VCAN: variants seen among roughly 807,000 people sequenced by gnomAD.
VCAN encodes the protein versican, also known as versican core protein.
Under a neutral mutation model 245.5 loss-of-function variants are expected in VCAN, and 44 were observed. The observed-to-expected ratio is 0.18, with a 90% CI of 0.14 to 0.23. The LOEUF is 0.23. VCAN is among the 10% of genes least tolerant of loss of function. VCAN has a pLI of 1.00. For missense variants in VCAN, 3,793 were observed against 4,057.9 expected, an observed-to-expected ratio of 0.93 and a Z score of 1.77; for synonymous variants, 1,413 against 1,437.0, an observed-to-expected ratio of 0.98 and a Z score of 0.38.
chr5:83,516,483 G>C (rs1453423936), intron 6 of VCAN, among the ~76,000 whole-genome samples: 1 of 152,198 alleles, frequency 6.6e-6, no homozygotes, highest in African/African-American at 2.4e-5. Context: ...GGGGTTTTAA[G>C]TTTTATTAGG....
At chr5:83,528,783 A>G (rs1042015236) in intron 7 of VCAN, among the ~76,000 whole-genome samples, 2 of 152,158 alleles carry the variant, frequency 1.3e-5, no homozygotes, top group Non-Finnish European at 2.9e-5. Flanking sequence ...TGAATACTGA[A>G]TCAGTAGGAT....
intron 12 of VCAN, among the ~76,000 whole-genome samples, chr5:83,566,599 A>T (rs1304910704): frequency 1.3e-5 from 2 of 152,098 alleles, no homozygotes; most frequent in African/African-American, 2.4e-5. Context: ...TTTTCCTGGT[A>T]TGTTGACTGA....
At position 83,538,818 on chromosome 5, in the gene VCAN, A is replaced by G; in HGVS notation, c.5815A>G (p.Arg1939Gly). ...GGAGGAAGATTTCAGTGGTGACTTT[A>G]GAGAATACTCAACAGTGTCTCATCC... ...PLEEDFSGDFREYSTVSHPIA... is the reference protein window; with the variant it reads ...PLEEDFSGDFGEYSTVSHPIA... Residue 1939 changes from arginine to glycine, a missense_variant, in exon 8 of 15, where the codon AGA becomes GGA. By Grantham distance (125) the Arg-to-Gly change is moderately radical. This residue lies in a region of VCAN where 3,182 missense variants were observed against 3,250.3 expected (regional missense o/e 0.98). Transcript: ENST00000265077. The G allele has an allele frequency of 6.2e-7, 1 of 1,613,958 alleles. No individual in the cohort carries two copies. The highest frequency in any genetic ancestry group is 1.1e-5 in the South Asian group (1 of 91,084).
intron 1 of VCAN, among the ~76,000 whole-genome samples, chr5:83,482,072 C>G (rs1471831298): frequency 6.6e-6 from 1 of 152,188 alleles, no homozygotes; most frequent in Non-Finnish European, 1.5e-5. Context: ...ACAATAATGA[C>G]ATTTATAATC....
At chr5:83,565,402 T>A (rs1039245852) in intron 12 of VCAN, among the ~76,000 whole-genome samples, 1 of 106,330 alleles carries the variant, frequency 9.4e-6, no homozygotes, top group Non-Finnish European at 2.3e-5. Context: ...TGTGTGTGTG[T>A]GTGTGTGTGT....
intron 13 of VCAN, among the ~76,000 whole-genome samples, chr5:83,579,257 GT>G (rs34588104): frequency 2.0e-3 from 50 of 24,742 alleles, no homozygotes; most frequent in African/African-American, 2.5e-3. Context: ...TTGTTTGTTT[GT>G]TTTGTTTTGT....
chr5:83,520,255 G>A lies in VCAN; in HGVS notation c.1949G>A (p.Arg650His), dbSNP rs371049542. The stretch of plus-strand genomic sequence containing the variant: ...ACTACACCTTTTCCATCACAGCATC[G>A]TACAGAAATAGAATTGTTTCCTTAT... ...LSTTPFPSQH[R>H]TEIELFPYSG... Residue 650 changes from arginine (R) to histidine (H), a missense_variant, in exon 7 of 15, where the codon CGT (arginine) becomes CAT (histidine). By Grantham distance (29) the Arg-to-His change is conservative. Transcript: ENST00000265077. 52 of 1,613,898 alleles carry A rather than the reference G, an allele frequency of 3.2e-5. No individual in the cohort carries two copies. The highest frequency in any genetic ancestry group is 8.0e-5 in the African/African-American group (6 of 75,022).
intron 1 of VCAN, among the ~76,000 whole-genome samples, chr5:83,477,282 A>G (rs377067690): frequency 6.6e-6 from 1 of 152,218 alleles, no homozygotes; most frequent in South Asian, 2.1e-4. Flanking sequence ...TGTAGTTTCT[A>G]CTGAATCTAT....
Position 83,540,540 on chromosome 5 carries a change from G to A in VCAN, c.7537G>A (p.Glu2513Lys), listed in dbSNP as rs777752970. ...CACACTGTCAAATACAGTGTCATAT[G>A]AGAGGTCCACAGACGGTAGTTTCCA... ...TSTLSNTVSYERSTDGSFQDR... is the reference protein window; with the variant it reads ...TSTLSNTVSYKRSTDGSFQDR... The change falls in exon 8 of 15, where the codon GAG becomes AAG. Residue 2513 changes from glutamate (E) to lysine (K), a missense_variant. This residue lies in a region of VCAN where 3,182 missense variants were observed against 3,250.3 expected (regional missense o/e 0.98). Transcript: ENST00000265077. The A allele has an allele frequency of 2.7e-5, 44 of 1,613,830 alleles. 1 individual carries two copies. In the South Asian group the frequency reaches 4.6e-4, roughly 17 times the overall value.
At chr5:83,576,173 CCTAT>C (rs565663219) in intron 13 of VCAN, among the ~76,000 whole-genome samples, 178 of 152,112 alleles carry the variant, frequency 1.2e-3, no homozygotes, top group African/African-American at 3.4e-3. Flanking sequence ...TCCTCTCAAT[CCTAT>C]CTATTTACTT....
intron 12 of VCAN, chr5:83,562,325 A>C (rs967803702): frequency 6.6e-6 from 1 of 152,144 alleles, no homozygotes; most frequent in Non-Finnish European, 1.5e-5. Context: ...GTTGTAGTTT[A>C]ATTTGATTTG....
chr5:83,511,938 G>A (rs1580619169), intron 5 of VCAN, among the ~76,000 whole-genome samples, 165 bp from the exon 6 acceptor site: 1 of 152,122 alleles, frequency 6.6e-6, no homozygotes, highest in African/African-American at 2.4e-5. Context: ...TAATTATAAC[G>A]AAGCTAAGTC....
In VCAN at chr5:83,545,589, T is replaced by C. The variant is rs750496804; in HGVS notation, c.9318T>C (p.Pro3106=). 6.2e-7 allele frequency: 1 copy of C among 1,614,152 alleles called. No homozygotes were observed. The highest frequency in any genetic ancestry group is 1.1e-5 in the South Asian group (1 of 91,088). ...GCCTTAACGGAGGCACCTGTTATCCTACTGAAACTTCCTACGTATGCACCT... is the reference window on the plus strand; with the variant it reads ...GCCTTAACGGAGGCACCTGTTATCCCACTGAAACTTCCTACGTATGCACCT... The part of the protein sequence containing the change: ...NPCLNGGTCY[P]TETSYVCTCV... Residue 3106 remains proline, a synonymous_variant, in exon 9 of 15, where the codon CCT becomes CCC. Transcript: ENST00000265077.
intron 11 of VCAN, among the ~76,000 whole-genome samples, chr5:83,554,342 G>A (rs529893590): frequency 9.2e-5 from 14 of 152,114 alleles, no homozygotes; most frequent in Non-Finnish European, 1.3e-4. Context: ...ATATTTTCTC[G>A]TGATGCCTAC....
At position 83,490,455 on chromosome 5, in the gene VCAN, T is replaced by A; in HGVS notation, c.428T>A (p.Val143Glu). 1 of 1,614,090 alleles carries A rather than the reference T, an allele frequency of 6.2e-7. No individual in the cohort carries two copies. The highest frequency in any genetic ancestry group is 1.3e-5 in the African/African-American group (1 of 75,036). ...MYGIEDTQDTVSLTVDGVVFH... is the reference protein window; with the variant it reads ...MYGIEDTQDTESLTVDGVVFH... ...GGGATTGAAGACACACAAGACACGGTGTCACTGACTGTGGATGGTAAGGCT... is the reference window on the plus strand; with the variant it reads ...GGGATTGAAGACACACAAGACACGGAGTCACTGACTGTGGATGGTAAGGCT... The change falls in exon 3 of 15, where the codon GTG (valine) becomes GAG (glutamate). Residue 143 changes from valine (V) to glutamate (E), a missense_variant. By Grantham distance (121) the Val-to-Glu change is moderately radical. Around this residue, in one of 5 missense-constraint regions of VCAN, gnomAD observed 190 missense variants for 288.6 expected, o/e 0.66. Coordinates refer to ENST00000265077, the MANE Select transcript of VCAN (RefSeq NM_004385.5).
chr5:83,477,249 T>C (rs990717817), intron 1 of VCAN, among the ~76,000 whole-genome samples: 7 of 152,206 alleles, frequency 4.6e-5, no homozygotes, highest in African/African-American at 1.7e-4. Context: ...ATAATTTTAA[T>C]AATAACTGCA....
In VCAN at chr5:83,540,580, A is replaced by C. The variant is rs1580048160; in HGVS notation, c.7577A>C (p.Glu2526Ala). Residue 2526 changes from glutamate to alanine, a missense_variant, in exon 8 of 15, where the codon GAA becomes GCA. Around this residue, in one of 5 missense-constraint regions of VCAN, gnomAD observed 3,182 missense variants for 3,250.3 expected, o/e 0.98. Coordinates refer to ENST00000265077, the MANE Select transcript of VCAN (RefSeq NM_004385.5). ...TDGSFQDRFREFEDSTLKPNR... is the reference protein window; with the variant it reads ...TDGSFQDRFRAFEDSTLKPNR... ...GGTAGTTTCCAAGACCGTTTCAGGG[A>C]ATTCGAGGATTCCACCTTAAAACCT... 6.2e-7 allele frequency: 1 copy of C among 1,613,992 alleles called. No individual in the cohort carries two copies.
rs185532874 is a variant in VCAN at position 83,575,885 on chromosome 5, C to T, written c.9880+3325C>T. Among the ~76,000 whole-genome samples the T allele has an allele frequency of 1.6e-3, 251 of 152,154 alleles. 2 individuals carry two copies. Among genetic ancestry groups the T allele is most frequent in the African/African-American group, 5.8e-3 (241 of 41,518 alleles). ...TTAAAGAAGAAGAAGGAAAAAAACC[C>T]TATTTTTGCATTTTATCTCCCCTAC... On this transcript the variant is annotated intron_variant, in intron 13 of 14. Transcript: ENST00000265077.
Position 83,520,201 on chromosome 5 carries a change from CG to C in VCAN, c.1897del (p.Glu633LysfsTer21). The C allele has an allele frequency of 6.2e-7, 1 of 1,614,008 alleles. No individual in the cohort carries two copies. The highest frequency in any genetic ancestry group is 8.5e-7 in the Non-Finnish European group (1 of 1,179,956). On this transcript the variant is annotated frameshift_variant, in exon 7 of 15. Coordinates refer to ENST00000265077, the MANE Select transcript of VCAN (RefSeq NM_004385.5). LOFTEE classifies it high-confidence loss of function. ...WEERQTSGRI[T>X]EEFLGKYLST... Reference sequence around the variant, plus strand: ...GAGAGACAAACTAGTGGTAGGATAACGGAAGAGTTTCTTGGCAAATATCTGT... The same window carrying C: ...GAGAGACAAACTAGTGGTAGGATAACGAAGAGTTTCTTGGCAAATATCTGT...
Sources: allele counts gnomAD v4.1 joint callset (sites outside exome capture counted in the v4.1 genomes callset), GRCh38; gene constraint gnomAD v4.1.1; regional missense constraint gnomAD v4.1.1; transcripts MANE v1.5; gene names NCBI Gene and HGNC (gene_info 2026-07-23, HGNC 2026-07-21).